DNM3: variants seen among roughly 807,000 people sequenced by gnomAD.
The protein encoded by DNM3 is dynamin-3.
Under a neutral mutation model 101.6 loss-of-function variants are expected in DNM3, and 47 were observed. The ratio of observed to expected loss-of-function variants is 0.46; its 90% CI spans 0.37 to 0.59. The LOEUF is 0.59. Among genes scored for constraint, DNM3 ranks in the 20% least tolerant of loss-of-function variants. The pLI, the probability that DNM3 is intolerant of heterozygous loss-of-function variation, is 0.00. For missense variants in DNM3, 849 were observed against 1,085.7 expected, an observed-to-expected ratio of 0.78 and a Z score of 3.06; for synonymous variants, 385 against 387.9, an observed-to-expected ratio of 0.99 and a Z score of 0.09.
At chr1:172,227,288 A>ATATATATATATATC (rs1208143390) in intron 14 of DNM3, among the ~76,000 whole-genome samples, 1 of 128,810 alleles carries the variant, frequency 7.8e-6, no homozygotes, top group African/African-American at 3.5e-5. Flanking sequence ...ATATATATAT[A>ATATATATATATATC]TATATATATA....
intron 2 of DNM3, among the ~76,000 whole-genome samples, chr1:171,940,345 A>C (rs1202910111): frequency 6.6e-6 from 1 of 152,126 alleles, no homozygotes; most frequent in Non-Finnish European, 1.5e-5. Flanking sequence ...TCATCTCTTC[A>C]TTAATGGATT....
At chr1:171,907,084 G>C (rs2038892903) in intron 1 of DNM3, among the ~76,000 whole-genome samples, 1 of 152,158 alleles carries the variant, frequency 6.6e-6, no homozygotes, top group African/African-American at 2.4e-5. Context: ...CTGCCATTCT[G>C]GTCTAGGCTT....
intron 15 of DNM3, among the ~76,000 whole-genome samples, chr1:172,284,763 C>T (rs143296157): frequency 6.6e-6 from 1 of 152,242 alleles, no homozygotes; most frequent in East Asian, 1.9e-4. Context: ...TTTACTAGTC[C>T]ATTACGGTTC....
In DNM3 at chr1:172,410,977, T is replaced by C. The variant is rs1338364101; in HGVS notation, c.*3136T>C. On this transcript the variant is annotated 3_prime_UTR_variant, in exon 21 of 21. Coordinates refer to ENST00000627582, the MANE Select transcript of DNM3 (RefSeq NM_015569.5). The stretch of plus-strand genomic sequence containing the variant: ...GTATATGGCATATACCTAGTAAGTA[T>C]GTTTCTGTAAGTATGTGTATTTTAT... The C allele has an allele frequency of 1.0e-6, 1 of 985,152 alleles. No individual in the cohort carries two copies. Among genetic ancestry groups the C allele is most frequent in the African/African-American group, 1.7e-5 (1 of 57,222 alleles). The allele number at this position is 985,152 out of a possible 1,614,324, so 61.0% of individuals were successfully genotyped here.
intron 1 of DNM3, among the ~76,000 whole-genome samples, chr1:171,886,005 G>C (rs933224249): frequency 3.9e-5 from 6 of 152,170 alleles, no homozygotes; most frequent in Non-Finnish European, 7.3e-5. Context: ...GGACTGTCAA[G>C]ATTGGGGGTG....
In DNM3 at chr1:172,311,776, A is replaced by C. The variant is rs74124046; in HGVS notation, c.1881+2937A>C. Among the ~76,000 whole-genome samples the C allele has an allele frequency of 7.0e-3, 1,059 of 152,330 alleles. 9 individuals are homozygous for C. The highest frequency in any genetic ancestry group is 0.024 in the African/African-American group (1,003 of 41,572). On this transcript the variant is annotated intron_variant, in intron 16 of 20. Transcript: ENST00000627582. ...ATACTCAATTTTAAGCAAATCTCAC[A>C]ACACAATCTGTTTTGATTCTTTTTA...
chr1:171,961,485 T>C (rs1190639830), intron 2 of DNM3, among the ~76,000 whole-genome samples: 1 of 152,194 alleles, frequency 6.6e-6, no homozygotes, highest in Non-Finnish European at 1.5e-5. Flanking sequence ...GGAACTCTTA[T>C]GCATTATTGG....
At chr1:172,051,192 A>G (rs1378125681) in intron 10 of DNM3, among the ~76,000 whole-genome samples, 1 of 152,188 alleles carries the variant, frequency 6.6e-6, no homozygotes, top group East Asian at 1.9e-4. Flanking sequence ...TTTATTGGGT[A>G]TGACATTTGC....
chr1:172,293,022 G>A (rs534809175), intron 15 of DNM3, among the ~76,000 whole-genome samples: 9 of 152,306 alleles, frequency 5.9e-5, no homozygotes, highest in Middle Eastern at 3.4e-3. Flanking sequence ...ACATGTGGCC[G>A]ACTGTGCGTG....
At chr1:172,339,571 G>A (rs977267208) in intron 17 of DNM3, among the ~76,000 whole-genome samples, 14 of 152,132 alleles carry the variant, frequency 9.2e-5, no homozygotes, top group Non-Finnish European at 1.9e-4. Context: ...CTATATTTTA[G>A]GGCAACAGAT....
intron 14 of DNM3, among the ~76,000 whole-genome samples, chr1:172,175,142 G>T (rs1346351742): frequency 6.6e-6 from 1 of 151,776 alleles, no homozygotes; most frequent in Middle Eastern, 3.4e-3. Context: ...ACAAAATACT[G>T]CTGTTGTTCA....
At chr1:172,392,417 A>G (rs1232428753) in intron 20 of DNM3, among the ~76,000 whole-genome samples, 1 of 75,578 alleles carries the variant, frequency 1.3e-5, no homozygotes, top group East Asian at 6.5e-4. Flanking sequence ...TGAAAATCCA[A>G]TCCAGTGTGT....
At chr1:172,162,993 A>T (rs908733683) in intron 14 of DNM3, among the ~76,000 whole-genome samples, 1 of 152,136 alleles carries the variant, frequency 6.6e-6, no homozygotes, top group Non-Finnish European at 1.5e-5. Flanking sequence ...TCATGAAAGC[A>T]GGCATCCTTG....
intron 1 of DNM3, among the ~76,000 whole-genome samples, chr1:171,846,009 T>C (rs1474913490): frequency 6.6e-6 from 1 of 152,190 alleles, no homozygotes; most frequent in Admixed American, 6.5e-5. Context: ...GTGATTATGC[T>C]GATATTTTTC....
chr1:172,066,866 A>G (rs1304467413), intron 10 of DNM3, among the ~76,000 whole-genome samples: 1 of 152,006 alleles, frequency 6.6e-6, no homozygotes, highest in Admixed American at 6.6e-5. Flanking sequence ...TGCTTTTCCA[A>G]CTAATGCTGT....
chr1:172,282,472 G>A (rs985674989), intron 15 of DNM3, among the ~76,000 whole-genome samples: 1 of 151,964 alleles, frequency 6.6e-6, no homozygotes, highest in Non-Finnish European at 1.5e-5. Context: ...TAATTAACAA[G>A]TATCAGGGTT....
chr1:172,371,886 AC>A, intron 17 of DNM3, among the ~76,000 whole-genome samples: 1 of 139,148 alleles, frequency 7.2e-6, no homozygotes, highest in African/African-American at 2.7e-5. Context: ...TATTTTTTTT[AC>A]TTTTTTATTT....
chr1:171,896,671 A>G (rs753056838), intron 1 of DNM3, among the ~76,000 whole-genome samples: 74 of 152,334 alleles, frequency 4.9e-4, no homozygotes, highest in Non-Finnish European at 8.4e-4. Flanking sequence ...CCTGGCCAGA[A>G]CTTCCAACAC....
At chr1:172,014,543 G>A (rs1325284395) in intron 4 of DNM3, among the ~76,000 whole-genome samples, 1 of 152,092 alleles carries the variant, frequency 6.6e-6, no homozygotes, top group Non-Finnish European at 1.5e-5. Context: ...ATTTCCTAAT[G>A]TAATATGATG....
Sources: gnomAD v4.1 joint callset for allele counts (sites outside exome capture counted in the v4.1 genomes callset) on GRCh38, gnomAD v4.1.1 for gene constraint, MANE v1.5 for transcripts, NCBI Gene and HGNC (gene_info 2026-07-23, HGNC 2026-07-21) for gene names.